The following HERC4 variants were observed in gnomAD, a reference collection of about 807,000 sequenced individuals.
HERC4 encodes HECT and RLD domain containing E3 ubiquitin protein ligase 4.
A neutral mutation model predicts 124.3 loss-of-function variants in HERC4; 28 were observed. The ratio of observed to expected loss-of-function variants is 0.23; its 90% CI spans 0.17 to 0.31. HERC4 has a LOEUF of 0.31. Among genes scored for constraint, HERC4 ranks in the 10% least tolerant of loss-of-function variants. HERC4 has a pLI of 1.00. For missense variants in HERC4, 713 were observed against 1,229.3 expected (o/e 0.58, Z 6.28); for synonymous variants, 407 against 421.5 (o/e 0.97, Z 0.42).
intron 19 of HERC4, among the ~76,000 whole-genome samples, chr10:67,946,348 AACACACACACACACACACACACACACAC>A: frequency 7.8e-6 from 1 of 128,522 alleles, no homozygotes; most frequent in East Asian, 2.4e-4. Context: ...ATAAAACACA[AACACACACACACACACACACACACACAC>A]ACACACACAC....
At chr10:68,042,555 C>T (rs1163799124) in intron 4 of HERC4, among the ~76,000 whole-genome samples, 5 of 152,060 alleles carry the variant, frequency 3.3e-5, no homozygotes, top group Non-Finnish European at 7.4e-5. Flanking sequence ...CCCAGGAGGT[C>T]GAGGCTGCAG....
chr10:68,004,930 G>A (rs1338789567), intron 9 of HERC4, among the ~76,000 whole-genome samples: 1 of 152,166 alleles, frequency 6.6e-6, no homozygotes, highest in Non-Finnish European at 1.5e-5. Context: ...ATGAGATTTG[G>A]GTGGGGGCAC....
intron 19 of HERC4, among the ~76,000 whole-genome samples, chr10:67,949,139 C>T (rs184721588): frequency 6.6e-6 from 1 of 151,544 alleles, no homozygotes; most frequent in Non-Finnish European, 1.5e-5. Context: ...AAAAACTAAG[C>T]CAGGCATGGT....
At chr10:68,045,016 G>T (rs1457760043) in intron 3 of HERC4, among the ~76,000 whole-genome samples, 2 of 152,178 alleles carry the variant, frequency 1.3e-5, no homozygotes, top group Non-Finnish European at 2.9e-5. Context: ...CTGCCATGAA[G>T]TGATTCTGAA....
intron 3 of HERC4, among the ~76,000 whole-genome samples, chr10:68,060,169 G>A (rs1377914900): frequency 4.0e-5 from 6 of 151,248 alleles, no homozygotes; most frequent in Admixed American, 2.0e-4. Flanking sequence ...ATATAATGGA[G>A]GTTTACTGTT....
chr10:68,022,229 G>A (rs980289528), intron 8 of HERC4, among the ~76,000 whole-genome samples: 5 of 152,154 alleles, frequency 3.3e-5, no homozygotes, highest in Non-Finnish European at 5.9e-5. Flanking sequence ...GCCAGGTGTG[G>A]GGGCTCACGC....
chr10:68,009,774 T>A (rs952111803), intron 9 of HERC4, among the ~76,000 whole-genome samples: 1 of 152,162 alleles, frequency 6.6e-6, no homozygotes, highest in Non-Finnish European at 1.5e-5. Context: ...TCAAGCCTCT[T>A]AACCCCTGCT....
intron 8 of HERC4, among the ~76,000 whole-genome samples, chr10:68,022,500 AAAATAAATAAAT>A (rs34560535): frequency 1.8e-3 from 260 of 143,974 alleles, no homozygotes; most frequent in African/African-American, 4.5e-3. Flanking sequence ...ACTCCATCTC[AAAATAAATAAAT>A]AAATAAATAA....
intron 17 of HERC4, 74 bp from the exon 18 acceptor site, chr10:67,955,204 T>G: frequency 1.6e-6 from 2 of 1,269,806 alleles, no homozygotes; most frequent in Non-Finnish European, 2.2e-6. Flanking sequence ...AGCTAACCTC[T>G]ACCTATTAGT....
chr10:67,954,774 A>G, intron 18 of HERC4, 36 bp from the exon 19 acceptor site: 1 of 1,587,958 alleles, frequency 6.3e-7, no homozygotes, highest in Non-Finnish European at 8.6e-7. Context: ...AATAGACTGT[A>G]AAGAAATGAA....
At chr10:68,036,156 A>G (rs1176818713) in intron 5 of HERC4, among the ~76,000 whole-genome samples, 3 of 151,888 alleles carry the variant, frequency 2.0e-5, no homozygotes, top group Admixed American at 6.6e-5. Context: ...CTACTAAAAA[A>G]AAACGCAAAA....
At chr10:67,969,113 C>T (rs977155949) in intron 15 of HERC4, among the ~76,000 whole-genome samples, 4 of 152,130 alleles carry the variant, frequency 2.6e-5, no homozygotes, top group Admixed American at 6.5e-5. Context: ...TTTGGAAAAT[C>T]CTAGAATACT....
At chr10:67,927,408 ATATATATATATATATATATATATTTTTTT>A (rs2031171476) in intron 23 of HERC4, among the ~76,000 whole-genome samples, 1 of 9,462 alleles carries the variant, frequency 1.1e-4, no homozygotes, top group African/African-American at 2.8e-4. Context: ...ATATATATAT[ATATATATATATATATATATATATTTTTTT>A]TTTTTTTTAG....
intron 4 of HERC4, chr10:68,040,128 T>C (rs1255289749): frequency 1.0e-6 from 1 of 969,510 alleles, no homozygotes; most frequent in Non-Finnish European, 1.2e-6. Flanking sequence ...ATTTGTAAGG[T>C]CTTGGAGGCT....
intron 16 of HERC4, chr10:67,961,256 C>CAGAA (rs2034499655): frequency 6.3e-6 from 1 of 159,696 alleles, no homozygotes; most frequent in Non-Finnish European, 1.4e-5. Flanking sequence ...TTCTGCAGAT[C>CAGAA]AGAAAGGTTC....
rs542966759 is a variant in HERC4, at chr10:68,059,902, T to TTA, written c.226+12979_226+12980dup. 5.1e-5 allele frequency among the ~76,000 whole-genome samples: 4 copies of TTA among 77,698 alleles called. 1 individual carries two copies. Among genetic ancestry groups the TTA allele is most frequent in the Non-Finnish European group, 8.0e-5 (4 of 49,994 alleles). The allele number at this position is 77,698 out of a possible 152,430, so 51.0% of individuals were successfully genotyped here. On this transcript the variant is annotated intron_variant, in intron 3 of 24. Transcript: ENST00000373700. Reference sequence around the variant, plus strand: ...ATATTATATATCATAATATTATATATTATATAATATTATATATCATAATAT... The same window carrying TTA: ...ATATTATATATCATAATATTATATATTATATATAATATTATATATCATAATAT...
chr10:67,945,851 G>T (rs1589149705), intron 19 of HERC4, among the ~76,000 whole-genome samples: 1 of 150,922 alleles, frequency 6.6e-6, no homozygotes, highest in East Asian at 1.9e-4. Context: ...TAAAAAAAAA[G>T]AAATCAAAAC....
chr10:67,945,834 C>T (rs553713184), intron 19 of HERC4, among the ~76,000 whole-genome samples: 2 of 147,176 alleles, frequency 1.4e-5, no homozygotes, highest in Non-Finnish European at 3.0e-5. Flanking sequence ...GACAGATACA[C>T]GAAAAATAAA....
chr10:68,060,579 T>C (rs1177960454), intron 3 of HERC4, among the ~76,000 whole-genome samples: 1 of 152,150 alleles, frequency 6.6e-6, no homozygotes, highest in African/African-American at 2.4e-5. Flanking sequence ...TAAATTTCTC[T>C]CCAATTATAT....
Sources: allele counts gnomAD v4.1 joint callset (sites outside exome capture counted in the v4.1 genomes callset), GRCh38; gene constraint gnomAD v4.1.1; transcripts MANE v1.5; gene names NCBI Gene and HGNC (gene_info 2026-07-23, HGNC 2026-07-21).